DIAPH3: variants seen among roughly 807,000 people sequenced by gnomAD.
DIAPH3 encodes diaphanous related formin 3, also known as protein diaphanous homolog 3.
Under a neutral mutation model 144.3 loss-of-function variants are expected in DIAPH3, and 117 were observed. That is an observed-to-expected ratio of 0.81 (90% CI 0.70 to 0.95). The LOEUF (loss-of-function observed/expected upper bound fraction) is 0.95, where lower values mean the gene tolerates loss of function less well. Among genes scored for constraint, DIAPH3 ranks in the 40% least tolerant of loss-of-function variants. The pLI is 0.00. For synonymous variants in DIAPH3, 519 were observed against 488.9 expected, an observed-to-expected ratio of 1.06 and a Z score of -0.81; for missense variants, 1,421 against 1,412.7, an observed-to-expected ratio of 1.01 and a Z score of -0.09.
intron 1 of DIAPH3, among the ~76,000 whole-genome samples, chr13:60,145,889 C>A (rs979633614): frequency 6.6e-6 from 1 of 151,876 alleles, no homozygotes; most frequent in Non-Finnish European, 1.5e-5. Flanking sequence ...GAAACATAAG[C>A]CAAAATTATC....
chr13:59,701,590 A>G (rs182491446), intron 27 of DIAPH3, among the ~76,000 whole-genome samples: 1 of 152,354 alleles, frequency 6.6e-6, no homozygotes, highest in East Asian at 1.9e-4. Context: ...AATGAACTGA[A>G]GAAAATTATT....
chr13:60,013,571 T>C (rs984586326), intron 7 of DIAPH3, among the ~76,000 whole-genome samples: 1 of 152,212 alleles, frequency 6.6e-6, no homozygotes, highest in Non-Finnish European at 1.5e-5. Context: ...GCAATTAAAA[T>C]TCTCTTCCAT....
intron 22 of DIAPH3, among the ~76,000 whole-genome samples, chr13:59,859,445 A>C (rs1181542368): frequency 6.6e-6 from 1 of 152,208 alleles, no homozygotes; most frequent in Non-Finnish European, 1.5e-5. Context: ...TATAATATCA[A>C]TAAAGAATTT....
chr13:59,906,871 C>G (rs2046769413), intron 20 of DIAPH3, among the ~76,000 whole-genome samples: 1 of 152,190 alleles, frequency 6.6e-6, no homozygotes, highest in Non-Finnish European at 1.5e-5. Flanking sequence ...TTACATAAAT[C>G]ATTTCTCACA....
intron 25 of DIAPH3, among the ~76,000 whole-genome samples, chr13:59,804,180 C>T (rs905465813): frequency 1.3e-5 from 2 of 152,108 alleles, no homozygotes; most frequent in African/African-American, 4.8e-5. Flanking sequence ...TGACAATCGC[C>T]CCAGAAGTTC....
intron 20 of DIAPH3, among the ~76,000 whole-genome samples, chr13:59,893,726 G>C (rs941105768): frequency 1.3e-5 from 2 of 152,192 alleles, no homozygotes; most frequent in African/African-American, 4.8e-5. Flanking sequence ...TAATGAACAA[G>C]AGAACCTTTT....
intron 1 of DIAPH3, among the ~76,000 whole-genome samples, chr13:60,157,471 A>G (rs1471348122): frequency 6.6e-6 from 1 of 152,204 alleles, no homozygotes; most frequent in African/African-American, 2.4e-5. Flanking sequence ...GTTTCTCTAC[A>G]GAGGTTTCCT....
chr13:60,123,817 GA>G (rs74431075), intron 2 of DIAPH3, among the ~76,000 whole-genome samples: 5,582 of 152,184 alleles, frequency 0.037, 135 homozygotes, highest in East Asian at 0.075. Flanking sequence ...AATGAAAATA[GA>G]AAGTAAATTA....
intron 12 of DIAPH3, among the ~76,000 whole-genome samples, 167 bp downstream of exon 12, chr13:59,990,991 A>G (rs1233914855): frequency 6.6e-6 from 1 of 151,996 alleles, no homozygotes; most frequent in Non-Finnish European, 1.5e-5. Context: ...ATATCATTTT[A>G]CCATCGTCTA....
Position 59,762,664 on chromosome 13 carries a change from G to A in DIAPH3, c.3319+11525C>T, listed in dbSNP as rs117781846. On this transcript the variant is annotated intron_variant, in intron 27 of 27. Transcript: ENST00000400324. ...CATTATGGTGGTCTAAAATCGTCCC[G>A]GAAGCCTTTTAATACAATTGTACAA... Among the ~76,000 whole-genome samples, 1,339 of 151,198 alleles carry A rather than the reference G, an allele frequency of 8.9e-3. 11 individuals are homozygous for A. Among genetic ancestry groups the A allele is most frequent in the Middle Eastern group, 0.055 (16 of 292 alleles).
intron 27 of DIAPH3, among the ~76,000 whole-genome samples, chr13:59,730,444 C>T (rs1428741029): frequency 6.6e-6 from 1 of 152,092 alleles, no homozygotes; most frequent in Non-Finnish European, 1.5e-5. Flanking sequence ...ATACAATAAA[C>T]TGAGAAGAGT....
chr13:60,072,233 T>C (rs1594583671), intron 4 of DIAPH3, among the ~76,000 whole-genome samples: 1 of 152,230 alleles, frequency 6.6e-6, no homozygotes, highest in African/African-American at 2.4e-5. Context: ...CTTCCTAGAC[T>C]ATCTCATCTA....
In DIAPH3 at chr13:59,667,492, T is replaced by G. The variant is rs181204081; in HGVS notation, c.3320-646A>C. On this transcript the variant is annotated intron_variant, in intron 27 of 27. Transcript: ENST00000400324. ...TTGAATAATAATGAGATTAATTTCC[T>G]TTTTGAATGAAATCAAGAAGGAAAG... Among the ~76,000 whole-genome samples the G allele has an allele frequency of 1.9e-3, 282 of 152,342 alleles. 1 individual carries two copies. Among genetic ancestry groups the G allele is most frequent in the African/African-American group, 6.4e-3 (267 of 41,598 alleles).
At chr13:60,155,603 A>G (rs1951994291) in intron 1 of DIAPH3, among the ~76,000 whole-genome samples, 1 of 152,208 alleles carries the variant, frequency 6.6e-6, no homozygotes, top group Admixed American at 6.5e-5. Flanking sequence ...GGTGTGTGTT[A>G]GGTAGAATTC....
chr13:60,028,468 G>A (rs760421582), intron 5 of DIAPH3, among the ~76,000 whole-genome samples: 24 of 152,056 alleles, frequency 1.6e-4, no homozygotes, highest in Admixed American at 6.6e-5. Context: ...ACCAGCATTT[G>A]GGGTTCTCCT....
intron 5 of DIAPH3, among the ~76,000 whole-genome samples, chr13:60,018,896 C>A (rs1233647775): frequency 6.6e-6 from 1 of 152,082 alleles, no homozygotes; most frequent in African/African-American, 2.4e-5. Context: ...AAAGTACTTA[C>A]TAAAAAGATT....
chr13:59,682,435 C>G (rs1301317201), intron 27 of DIAPH3, among the ~76,000 whole-genome samples: 1 of 152,160 alleles, frequency 6.6e-6, no homozygotes, highest in East Asian at 1.9e-4. Flanking sequence ...GATCCTCCCC[C>G]TTCACCCTCC....
At chr13:60,014,752 A>G (rs922096388) in intron 7 of DIAPH3, among the ~76,000 whole-genome samples, 3 of 152,170 alleles carry the variant, frequency 2.0e-5, no homozygotes, top group Non-Finnish European at 4.4e-5. Context: ...CACCACAGGT[A>G]AAATTTCCCC....
intron 9 of DIAPH3, among the ~76,000 whole-genome samples, chr13:60,001,442 C>T (rs2052524850): frequency 6.6e-6 from 1 of 152,232 alleles, no homozygotes; most frequent in Non-Finnish European, 1.5e-5. Flanking sequence ...ATAAGTTGGA[C>T]TGACTGTCTT....
Sources: allele counts gnomAD v4.1 joint callset (sites outside exome capture counted in the v4.1 genomes callset), GRCh38; gene constraint gnomAD v4.1.1; transcripts MANE v1.5; gene names NCBI Gene and HGNC (gene_info 2026-07-23, HGNC 2026-07-21).